THADA: variants seen among roughly 807,000 people sequenced by gnomAD.
THADA encodes tRNA (32-2'-O)-methyltransferase regulator THADA.
A neutral mutation model predicts 219.8 loss-of-function variants in THADA; 213 were observed. That is an observed-to-expected ratio of 0.97 (90% CI 0.87 to 1.09). The LOEUF is 1.09. Ranked by LOEUF, THADA falls within the 50% of genes least tolerant of loss-of-function variation. THADA has a pLI of 0.00. For synonymous variants in THADA, 1,018 were observed against 828.9 expected, an observed-to-expected ratio of 1.23 and a Z score of -3.92; for missense variants, 2,956 against 2,311.3, an observed-to-expected ratio of 1.28 and a Z score of -5.72.
intron 15 of THADA, 90 bp from the exon 16 acceptor site, chr2:43,560,475 G>A (rs891784259): frequency 3.0e-6 from 3 of 988,000 alleles, no homozygotes; most frequent in Admixed American, 3.6e-5. Flanking sequence ...TAGAAAATAA[G>A]TACCAAAAAA....
chr2:43,331,659 C>T (rs1195453087), intron 30 of THADA, among the ~76,000 whole-genome samples: 4 of 152,168 alleles, frequency 2.6e-5, no homozygotes, highest in Non-Finnish European at 5.9e-5. Context: ...CCTCCAGTAT[C>T]CCACTGCACA....
chr2:43,490,205 T>C (rs911872608), intron 25 of THADA, among the ~76,000 whole-genome samples: 5 of 152,232 alleles, frequency 3.3e-5, no homozygotes, highest in Admixed American at 6.5e-5. Flanking sequence ...TCCTGAAACC[T>C]TGCTAATAGA....
intron 21 of THADA, among the ~76,000 whole-genome samples, chr2:43,535,631 G>C (rs767707904): frequency 1.6e-5 from 2 of 122,986 alleles, no homozygotes; most frequent in African/African-American, 6.4e-5. Context: ...ATCTAAACCC[G>C]AGACAGCGCC....
intron 8 of THADA, among the ~76,000 whole-genome samples, chr2:43,579,989 T>G (rs931079604): frequency 6.6e-6 from 1 of 151,730 alleles, no homozygotes; most frequent in African/African-American, 2.4e-5. Context: ...TAGTACTGAT[T>G]AGGTGCCATC....
At chr2:43,418,787 A>G (rs1677329458) in intron 28 of THADA, among the ~76,000 whole-genome samples, 1 of 152,162 alleles carries the variant, frequency 6.6e-6, no homozygotes, top group Non-Finnish European at 1.5e-5. Flanking sequence ...CTCCAAGGAG[A>G]GATAGAAATA....
At chr2:43,518,341 A>C (rs1691994420) in intron 22 of THADA, among the ~76,000 whole-genome samples, 1 of 152,226 alleles carries the variant, frequency 6.6e-6, no homozygotes, top group Admixed American at 6.5e-5. Flanking sequence ...GCCACTGTTA[A>C]GAGCCAGCAG....
intron 36 of THADA, among the ~76,000 whole-genome samples, chr2:43,241,836 C>A (rs368777996): frequency 6.6e-6 from 1 of 152,134 alleles, no homozygotes; most frequent in South Asian, 2.1e-4. Context: ...AGTTGGTGAC[C>A]CCTGTGAAAT....
chr2:43,248,230 G>C (rs868569026), intron 36 of THADA, among the ~76,000 whole-genome samples: 2 of 142,916 alleles, frequency 1.4e-5, no homozygotes, highest in East Asian at 4.0e-4. Flanking sequence ...GAGAGAGAGA[G>C]ACAGAGAGAG....
At position 43,574,150 on chromosome 2, in the gene THADA, A is replaced by G. The variant is rs112482086; in HGVS notation, c.1729+186T>C. On this transcript the variant is annotated intron_variant, in intron 11 of 37. Transcript: ENST00000405975. ...TTCTTTAGCTTGTAGAAATGACTTCAGCCAAAAAACTCCATTCAGCTATAT... is the reference window on the plus strand; with the variant it reads ...TTCTTTAGCTTGTAGAAATGACTTCGGCCAAAAAACTCCATTCAGCTATAT... Among the ~76,000 whole-genome samples, 1,317 of 152,328 alleles carry G rather than the reference A, an allele frequency of 8.6e-3. 13 individuals are homozygous for G. The highest frequency in any genetic ancestry group is 0.029 in the African/African-American group (1,187 of 41,580).
At chr2:43,506,945 C>T (rs148988143) in intron 23 of THADA, among the ~76,000 whole-genome samples, 65 of 152,172 alleles carry the variant, frequency 4.3e-4, no homozygotes, top group African/African-American at 1.5e-3. Flanking sequence ...TTTATTTAGG[C>T]TCAGATAACA....
chr2:43,477,837 T>C (rs375415522), intron 26 of THADA, among the ~76,000 whole-genome samples: 7 of 152,340 alleles, frequency 4.6e-5, no homozygotes, highest in East Asian at 3.9e-4. Flanking sequence ...CCTCATCTGA[T>C]TCATCTTTTA....
Position 43,279,850 on chromosome 2 carries a change from C to A in THADA, c.5211G>T (p.Leu1737=). 1 of 1,570,442 alleles carries A rather than the reference C, an allele frequency of 6.4e-7. No individual in the cohort carries two copies. Among genetic ancestry groups the A allele is most frequent in the Non-Finnish European group, 8.6e-7 (1 of 1,158,054 alleles). Residue 1737 remains leucine, a synonymous_variant, in exon 36 of 38, where the codon CTG becomes CTT. Coordinates refer to ENST00000405975, the MANE Select transcript of THADA (RefSeq NM_022065.5). ...LALWKCVLTL[L]QSEEQAVRDA... is the part of the protein sequence containing the mutation. ...CTCTAACAGCTTGCTCCTCACTCTG[C>A]AGAAGGGTAAGGACACACTTCCAGA...
chr2:43,246,495 A>AAAACAAAC (rs527889913), intron 36 of THADA, among the ~76,000 whole-genome samples: 4 of 151,670 alleles, frequency 2.6e-5, no homozygotes, highest in African/African-American at 9.7e-5. Context: ...ACTCGTCTCA[A>AAAACAAAC]AAACAAACAA....
rs56173099 is a variant in THADA at position 43,265,930 on chromosome 2, AACACACACACACACACACACAC to A, written c.5296+13813_5296+13834del. Among the ~76,000 whole-genome samples, 763 of 124,794 alleles carry A rather than the reference AACACACACACACACACACACAC, an allele frequency of 6.1e-3. 9 individuals carry two copies. Among genetic ancestry groups the A allele is most frequent in the East Asian group, 0.025 (102 of 4,052 alleles). 81.9% of individuals were successfully genotyped at this position (124,794 alleles called of 152,430 possible). On this transcript the variant is annotated intron_variant, in intron 36 of 37. Transcript: ENST00000405975. ...TAATCCGATTTTTTTTTACTTTTGA[AACACACACACACACACACACAC>A]ACACACACACACACACACACACACA... is the stretch of plus-strand genomic sequence containing the variant.
Position 43,232,833 on chromosome 2 carries a change from C to G in THADA, c.5346G>C (p.Leu1782=), listed in dbSNP as rs778947995. The G allele has an allele frequency of 5.6e-6, 9 of 1,612,306 alleles. No homozygotes were observed. The highest frequency in any genetic ancestry group is 7.6e-6 in the Non-Finnish European group (9 of 1,179,306). Residue 1782 remains leucine (L), a synonymous_variant, in exon 37 of 38, where the codon CTG becomes CTC. Transcript: ENST00000405975. ...VDASIALALA[L]AVLCDLLQQW... ...GCTGGAGCAGATCACACAGGACGGC[C>G]AGGGCCAGGGCCAGAGCGATGGAGG... is the stretch of plus-strand genomic sequence containing the variant.
intron 24 of THADA, among the ~76,000 whole-genome samples, chr2:43,501,329 AAAAAAAAAAAG>A (rs1031971341): frequency 1.7e-4 from 25 of 146,368 alleles, no homozygotes; most frequent in African/African-American, 5.8e-4. Flanking sequence ...AAAAAAAAAA[AAAAAAAAAAAG>A]AGAGACTTTT....
intron 36 of THADA, among the ~76,000 whole-genome samples, chr2:43,242,673 G>C (rs1668742541): frequency 6.6e-6 from 1 of 152,122 alleles, no homozygotes; most frequent in Admixed American, 6.5e-5. Context: ...ATTTTTGGTA[G>C]AGACAGGGTT....
In THADA at chr2:43,287,047, T is replaced by C. The variant is rs748860361; in HGVS notation, c.5025A>G (p.Ile1675Met). The part of the protein sequence containing the change: ...MQTCVENREL[I>M]AAELKQWVQL... ...GAACCCACTGCTTCAGCTCAGCAGC[T>C]ATCAATTCCCTGTTCTAAAAGCACA... is the stretch of plus-strand genomic sequence containing the variant. Residue 1675 changes from isoleucine (I) to methionine (M), a missense_variant, in exon 35 of 38, where the codon ATA becomes ATG. By Grantham distance (10) the Ile-to-Met change is conservative (BLOSUM62 1). Transcript: ENST00000405975. 2.2e-5 allele frequency: 35 copies of C among 1,612,980 alleles called. No homozygotes were observed. The highest frequency in any genetic ancestry group is 2.9e-5 in the Non-Finnish European group (34 of 1,179,302).
chr2:43,430,213 C>T lies in THADA; in HGVS notation c.3926G>A (p.Ser1309Asn), dbSNP rs1679057575. ...TTGCCCCACCCAATTCTCTTCTTAC[C>T]TGTCTACTGTATTGGCTACAGTTTC... ...QLETVANTVD[S>N]DMGEPNRHPS... The change falls in exon 27 of 38, where the codon AGT (serine) becomes AAT (asparagine). Residue 1309 changes from serine to asparagine, a missense_variant and splice_region_variant. Coordinates refer to ENST00000405975, the MANE Select transcript of THADA (RefSeq NM_022065.5). The T allele has an allele frequency of 6.6e-7, 1 of 1,507,910 alleles. No homozygotes were observed. The allele number at this position is 1,507,910 out of a possible 1,614,324, so 93.4% of individuals were successfully genotyped here.
Sources: gnomAD v4.1 joint callset for allele counts (sites outside exome capture counted in the v4.1 genomes callset) on GRCh38, gnomAD v4.1.1 for gene constraint, MANE v1.5 for transcripts, NCBI Gene and HGNC (gene_info 2026-07-23, HGNC 2026-07-21) for gene names.